Variants in TTF1 observed in about 807,000 individuals in gnomAD.
TTF1 encodes transcription termination factor 1.
TTF1 carries 64 observed loss-of-function variants against 80.2 expected under a neutral mutation model. The observed-to-expected ratio is 0.80, with a 90% confidence interval of 0.65 to 0.98. The LOEUF (loss-of-function observed/expected upper bound fraction) is 0.98, where lower values mean the gene tolerates loss of function less well. Among genes scored for constraint, TTF1 ranks in the 50% least tolerant of loss-of-function variants. TTF1 has a pLI of 0.00. For synonymous variants in TTF1, 372 were observed against 382.7 expected (o/e 0.97, Z 0.33); for missense variants, 1,023 against 1,086.2 (o/e 0.94, Z 0.82).
intron 7 of TTF1, 87 bp from the exon 8 acceptor site, chr9:132,388,315 C>T: frequency 2.1e-6 from 2 of 949,490 alleles, no homozygotes; most frequent in East Asian, 5.6e-5. Flanking sequence ...CTAAATTGCT[C>T]TCATTCAGAA....
intron 7 of TTF1, 91 bp downstream of exon 7, chr9:132,390,506 G>C: frequency 7.9e-7 from 1 of 1,273,514 alleles, no homozygotes; most frequent in East Asian, 2.3e-5. Context: ...TGACACGTCA[G>C]CTTCCCCACG....
intron 2 of TTF1, among the ~76,000 whole-genome samples, chr9:132,400,505 T>G (rs981237951): frequency 6.6e-6 from 1 of 152,160 alleles, no homozygotes; most frequent in Non-Finnish European, 1.5e-5. Flanking sequence ...GTATTTTTAG[T>G]AGAGACAGGG....
Position 132,396,504 on chromosome 9 carries a change from G to A in TTF1, c.1785C>T (p.Asn595=). ...ATATAAGTTTCCAGGGCCGGGCAAT[G>A]TTCCTACCTAAAGTCAGAAGAAAGG... ...RYSFRLHIGR[N]IARPWKLIYY... The change falls in exon 5 of 11, where the codon AAC becomes AAT. Residue 595 remains asparagine, a synonymous_variant. Transcript: ENST00000334270. The A allele has an allele frequency of 1.9e-6, 3 of 1,614,124 alleles. No homozygotes were observed. Among genetic ancestry groups the A allele is most frequent in the African/African-American group, 1.3e-5 (1 of 75,032 alleles).
intron 5 of TTF1, among the ~76,000 whole-genome samples, chr9:132,394,947 C>T (rs1849620157): frequency 1.3e-5 from 2 of 150,652 alleles, no homozygotes; most frequent in Non-Finnish European, 3.0e-5. Context: ...ATCCCAGCAC[C>T]GTGGGAGGCT....
rs1217266932 is a variant in TTF1 at position 132,402,182 on chromosome 9, C to T, written c.640G>A (p.Ala214Thr). 6.2e-7 allele frequency: 1 copy of T among 1,614,076 alleles called. No individual in the cohort carries two copies. Among genetic ancestry groups the T allele is most frequent in the East Asian group, 2.2e-5 (1 of 44,884 alleles). The change falls in exon 2 of 11, where the codon GCT becomes ACT. Residue 214 changes from alanine (A) to threonine (T), a missense_variant. Ala to Thr is a moderately conservative substitution (Grantham distance 58, BLOSUM62 0). Coordinates refer to ENST00000334270, the MANE Select transcript of TTF1 (RefSeq NM_007344.4). ...GGEITELPAS[A>T]HKNKSKKKKK... ...TTTTTCTTAGACTTGTTTTTATGAG[C>T]AGATGCTGGTAGTTCTGTAATTTCA...
intron 7 of TTF1, among the ~76,000 whole-genome samples, chr9:132,389,612 T>C (rs1486645329): frequency 1.3e-5 from 2 of 152,218 alleles, no homozygotes; most frequent in African/African-American, 4.8e-5. Context: ...AGTTTGCTTT[T>C]AACACAAAAT....
At chr9:132,386,698 G>T in intron 8 of TTF1, 77 bp from the exon 9 acceptor site, 1 of 1,235,328 alleles carries the variant, frequency 8.1e-7, no homozygotes, top group Non-Finnish European at 1.2e-6. Flanking sequence ...GTGGAGTGCT[G>T]AGAGCTGGAA....
intron 5 of TTF1, among the ~76,000 whole-genome samples, chr9:132,392,551 C>T (rs778742097): frequency 4.6e-5 from 7 of 151,820 alleles, no homozygotes; most frequent in East Asian, 2.0e-4. Context: ...GGTGCGTTTT[C>T]GGGGAGCGCC....
chr9:132,390,898 G>A (rs1181033475), intron 6 of TTF1, 67 bp from the exon 7 acceptor site: 1 of 1,441,912 alleles, frequency 6.9e-7, no homozygotes, highest in Non-Finnish European at 9.5e-7. Flanking sequence ...TATTAAAAAT[G>A]AAATGATAAA....
intron 10 of TTF1, among the ~76,000 whole-genome samples, chr9:132,378,658 T>TGTGGTGTG (rs1564182450): frequency 3.4e-5 from 4 of 116,116 alleles, no homozygotes; most frequent in East Asian, 3.7e-4. Context: ...TGTGAGTGCA[T>TGTGGTGTG]ACGTGTGTGA....
Position 132,401,996 on chromosome 9 carries a change from T to TA in TTF1, c.825dup (p.Lys276Ter), listed in dbSNP as rs1358258072. Reference sequence around the variant, plus strand: ...TTGGACTTTTTCTTCTTTTTTTTCTTAGACTTTTTTTTGTGAGTAGGTCCT... The same window carrying TA: ...TTGGACTTTTTCTTCTTTTTTTTCTTAAGACTTTTTTTTGTGAGTAGGTCCT... On this transcript the variant is annotated frameshift_variant, in exon 2 of 11. Transcript: ENST00000334270. LOFTEE classifies it high-confidence loss of function. 6.2e-7 allele frequency: 1 copy of TA among 1,614,010 alleles called. No homozygotes were observed. The highest frequency in any genetic ancestry group is 8.5e-7 in the Non-Finnish European group (1 of 1,180,004).
intron 5 of TTF1, among the ~76,000 whole-genome samples, chr9:132,393,319 G>A (rs1449402721): frequency 6.6e-6 from 1 of 151,508 alleles, no homozygotes; most frequent in East Asian, 1.9e-4. Flanking sequence ...ACTGTAACAT[G>A]TTCATGATGG....
chr9:132,385,893 G>A (rs1159191519), intron 9 of TTF1, among the ~76,000 whole-genome samples: 2 of 152,186 alleles, frequency 1.3e-5, no homozygotes, highest in African/African-American at 4.8e-5. Context: ...TGTGTCAGCA[G>A]AATGGATGCT....
At chr9:132,386,904 C>T (rs919629796) in intron 8 of TTF1, among the ~76,000 whole-genome samples, 2 of 152,224 alleles carry the variant, frequency 1.3e-5, no homozygotes, top group Non-Finnish European at 2.9e-5. Flanking sequence ...AACACCACCT[C>T]ATCATTCAAC....
rs146169383 is a variant in TTF1 at position 132,381,901 on chromosome 9, C to T, written c.2379-2757G>A. Among the ~76,000 whole-genome samples the T allele has an allele frequency of 2.1e-3, 315 of 152,316 alleles. 3 individuals carry two copies. Among genetic ancestry groups the T allele is most frequent in the African/African-American group, 6.7e-3 (277 of 41,564 alleles). On this transcript the variant is annotated intron_variant, in intron 9 of 10. Coordinates refer to ENST00000334270, the MANE Select transcript of TTF1 (RefSeq NM_007344.4). ...AAAATCTTTCCTAATGGACCAATGG[C>T]GACCTCACACCAGTAGCCACACTTC...
intron 2 of TTF1, among the ~76,000 whole-genome samples, chr9:132,400,690 T>A (rs1346322395): frequency 1.3e-5 from 2 of 152,006 alleles, no homozygotes; most frequent in African/African-American, 4.8e-5. Context: ...GATCTTGGAG[T>A]TGACTCAGTC....
chr9:132,388,376 A>G, intron 7 of TTF1, 148 bp from the exon 8 acceptor site: 1 of 501,390 alleles, frequency 2.0e-6, no homozygotes, highest in Non-Finnish European at 3.5e-6. Context: ...TCACTTTGTC[A>G]CCCAGGCTGG....
chr9:132,404,285 C>T (rs1436939382), intron 1 of TTF1, among the ~76,000 whole-genome samples: 1 of 152,148 alleles, frequency 6.6e-6, no homozygotes, highest in East Asian at 1.9e-4. Context: ...ACATTTTCTA[C>T]AGAAGCTACC....
Position 132,401,974 on chromosome 9 carries a change from G to C in TTF1, c.848C>G (p.Ser283Cys), listed in dbSNP as rs192954195. The C allele has an allele frequency of 6.2e-7, 1 of 1,613,934 alleles. No individual in the cohort carries two copies. The highest frequency in any genetic ancestry group is 2.2e-5 in the East Asian group (1 of 44,880). ...KKSKKKKKKKSNHQEFEALAM... is the reference protein window; with the variant it reads ...KKSKKKKKKKCNHQEFEALAM... ...CAATGCCTCAAATTCCTGGTGATTG[G>C]ACTTTTTCTTCTTTTTTTTCTTAGA... The change falls in exon 2 of 11, where the codon TCC (serine) becomes TGC (cysteine). Residue 283 changes from serine (S) to cysteine (C), a missense_variant. Transcript: ENST00000334270.
Sources: allele counts gnomAD v4.1 joint callset (sites outside exome capture counted in the v4.1 genomes callset), GRCh38; gene constraint gnomAD v4.1.1; transcripts MANE v1.5; gene names NCBI Gene and HGNC (gene_info 2026-07-23, HGNC 2026-07-21).